The following RABEP1 variants were observed in gnomAD, a reference collection of about 807,000 sequenced individuals.
The protein encoded by RABEP1 is rabaptin, RAB GTPase binding effector protein 1.
A neutral mutation model predicts 123.4 loss-of-function variants in RABEP1; 51 were observed. That is an observed-to-expected ratio of 0.41 (90% confidence interval 0.33 to 0.52). RABEP1 has a LOEUF of 0.52. RABEP1 is among the 20% of genes least tolerant of loss of function. The probability of loss-of-function intolerance (pLI) is 0.16; values close to 1 mark genes in which losing one functional copy is unlikely to be tolerated. For synonymous variants in RABEP1, 347 were observed against 355.2 expected (o/e 0.98, Z 0.26); for missense variants, 888 against 996.3 (o/e 0.89, Z 1.46).
rs145543636 is a variant in RABEP1, at chr17:5,379,927, G to A, written c.2272-437G>A. On this transcript the variant is annotated intron_variant, in intron 15 of 17. Transcript: ENST00000537505. ...CAACGTGCTGTGCTGTAGGCCAGCCGAACATGCCACTGTTGCTGCATGTGT... is the reference window on the plus strand; with the variant it reads ...CAACGTGCTGTGCTGTAGGCCAGCCAAACATGCCACTGTTGCTGCATGTGT... 3.6e-3 allele frequency among the ~76,000 whole-genome samples: 546 copies of A among 152,256 alleles called. 2 individuals carry two copies. The highest frequency in any genetic ancestry group is 0.011 in the African/African-American group (471 of 41,536).
rs118187054 is a variant in RABEP1 at position 5,300,141 on chromosome 17, G to C, written c.35-8553G>C. Among the ~76,000 whole-genome samples, 147 of 152,226 alleles carry C rather than the reference G, an allele frequency of 9.7e-4. 1 individual carries two copies. Among genetic ancestry groups the C allele is most frequent in the East Asian group, 9.6e-3 (50 of 5,182 alleles). ...AGTATAATATGCAGTTAGATGGGAA[G>C]GAAAATCTACCCAGCTAAGCATTCA... On this transcript the variant is annotated intron_variant, in intron 1 of 17. Coordinates refer to ENST00000537505, the MANE Select transcript of RABEP1 (RefSeq NM_004703.6).
intron 8 of RABEP1, 187 bp from the exon 9 acceptor site, chr17:5,361,021 T>C (rs1240266318): frequency 1.2e-5 from 7 of 606,396 alleles, no homozygotes; most frequent in Non-Finnish European, 1.7e-5. Flanking sequence ...CTCACAGTTG[T>C]ATCCTGAGGG....
At position 5,384,095 on chromosome 17, in the gene RABEP1, G is replaced by A. The variant is rs3026120; in HGVS notation, c.*872G>A. On this transcript the variant is annotated 3_prime_UTR_variant, in exon 18 of 18. Coordinates refer to ENST00000537505, the MANE Select transcript of RABEP1 (RefSeq NM_004703.6). ...TTAAATAGGCTAATTTTTCAACTTG[G>A]ATCATTAGGCTTACGTACTACTTGT... 7,205 of 214,788 alleles carry A rather than the reference G, an allele frequency of 0.034. 175 individuals are homozygous for A. The highest frequency in any genetic ancestry group is 0.047 in the Non-Finnish European group (4,985 of 106,462). 13.3% of individuals were successfully genotyped at this position (214,788 alleles called of 1,614,324 possible). A position where few individuals can be genotyped will look rare whatever the true frequency, so the allele number is the denominator to read the frequency against.
chr17:5,373,205 C>T, intron 12 of RABEP1, 109 bp from the exon 13 acceptor site: 1 of 986,524 alleles, frequency 1.0e-6, no homozygotes, highest in Non-Finnish European at 1.4e-6. Flanking sequence ...TTCACCATAC[C>T]CCGTCCATCC....
In RABEP1 at chr17:5,286,000, CTT is replaced by C. The variant is rs370679680; in HGVS notation, c.34+3483_34+3484del. 2.4e-3 allele frequency among the ~76,000 whole-genome samples: 369 copies of C among 152,222 alleles called. 3 individuals are homozygous for C. Among genetic ancestry groups the C allele is most frequent in the African/African-American group, 8.7e-3 (362 of 41,528 alleles). ...CCTTGTGCATATTTTTTAAGGTACTCTTTTACTTCTGTAAGACTAGTGAATTA... is the reference window on the plus strand; with the variant it reads ...CCTTGTGCATATTTTTTAAGGTACTCTTACTTCTGTAAGACTAGTGAATTA... On this transcript the variant is annotated intron_variant, in intron 1 of 17. Transcript: ENST00000537505.
rs74936713 is a variant in RABEP1 at position 5,326,598 on chromosome 17, T to C, written c.164-5351T>C. Among the ~76,000 whole-genome samples, 1,071 of 152,280 alleles carry C rather than the reference T, an allele frequency of 7.0e-3. 6 individuals carry two copies. The highest frequency in any genetic ancestry group is 0.014 in the Middle Eastern group (4 of 294). On this transcript the variant is annotated intron_variant, in intron 2 of 17. Coordinates refer to ENST00000537505, the MANE Select transcript of RABEP1 (RefSeq NM_004703.6). ...TACACATTTGTTAAAACCCATAGAA[T>C]GTAGCACATTTAAGAGTGAACCCTA...
intron 5 of RABEP1, among the ~76,000 whole-genome samples, chr17:5,342,094 G>A (rs1212529732): frequency 6.6e-6 from 1 of 152,094 alleles, no homozygotes; most frequent in Non-Finnish European, 1.5e-5. Flanking sequence ...CCTAATAAGA[G>A]TTCAACAATT....
chr17:5,323,799 A>AATATAT (rs1190446236), intron 2 of RABEP1, among the ~76,000 whole-genome samples: 3 of 104,462 alleles, frequency 2.9e-5, no homozygotes, highest in African/African-American at 1.4e-4. Context: ...TATATCTAGG[A>AATATAT]ATATATATAT....
chr17:5,386,102 C>A lies in RABEP1; in HGVS notation c.*2879C>A. On this transcript the variant is annotated 3_prime_UTR_variant, in exon 18 of 18. Transcript: ENST00000537505. ...TAAAAAGATGAACCACACCAAAGGT[C>A]ATCAAAACACCTTTTTATAAATTAG... is the stretch of plus-strand genomic sequence containing the variant. 1.3e-6 allele frequency: 1 copy of A among 788,106 alleles called. No homozygotes were observed. Among genetic ancestry groups the A allele is most frequent in the South Asian group, 1.9e-5 (1 of 52,384 alleles). The allele number at this position is 788,106 out of a possible 1,614,324, so 48.8% of individuals were successfully genotyped here. A position where few individuals can be genotyped will look rare whatever the true frequency, so the allele number is the denominator to read the frequency against.
intron 2 of RABEP1, among the ~76,000 whole-genome samples, chr17:5,322,282 C>G (rs545361157): frequency 1.3e-5 from 2 of 152,084 alleles, no homozygotes; most frequent in Admixed American, 1.3e-4. Context: ...TCCTTGAGCC[C>G]AGGAGTTTGA....
Position 5,308,686 on chromosome 17 carries a change from T to G in RABEP1, c.35-8T>G. On this transcript the variant is annotated splice_region_variant and splice_polypyrimidine_tract_variant and intron_variant, in intron 1 of 17. Coordinates refer to ENST00000537505, the MANE Select transcript of RABEP1 (RefSeq NM_004703.6). ...TATTACTTGTTAACTAGTGTTTTTTTCCCCCAGTTTCTCTTCAGCAACGGG... is the reference window on the plus strand; with the variant it reads ...TATTACTTGTTAACTAGTGTTTTTTGCCCCCAGTTTCTCTTCAGCAACGGG... 3.1e-6 allele frequency: 5 copies of G among 1,602,738 alleles called. No homozygotes were observed. The highest frequency in any genetic ancestry group is 4.2e-6 in the Non-Finnish European group (5 of 1,176,508).
intron 7 of RABEP1, among the ~76,000 whole-genome samples, chr17:5,353,119 T>C (rs1274687253): frequency 6.6e-6 from 1 of 152,226 alleles, no homozygotes; most frequent in Non-Finnish European, 1.5e-5. Context: ...TCTTTCTCCA[T>C]GTCCTTTACT....
intron 2 of RABEP1, among the ~76,000 whole-genome samples, chr17:5,312,473 A>G (rs2075253907): frequency 6.6e-6 from 1 of 152,170 alleles, no homozygotes; most frequent in African/African-American, 2.4e-5. Context: ...TTTTAATACA[A>G]CAGGACAATG....
At chr17:5,362,738 A>G (rs1909662197) in intron 9 of RABEP1, among the ~76,000 whole-genome samples, 174 bp from the exon 10 acceptor site, 1 of 152,012 alleles carries the variant, frequency 6.6e-6, no homozygotes, top group Non-Finnish European at 1.5e-5. Context: ...CTTGTACTGG[A>G]GAGTTTGATT....
At chr17:5,356,616 A>G (rs1025914714) in intron 8 of RABEP1, 7 of 164,512 alleles carry the variant, frequency 4.3e-5, no homozygotes, top group African/African-American at 1.7e-4. Flanking sequence ...TTTTCCAGAG[A>G]TAATATATAT....
At chr17:5,321,358 G>A (rs933355571) in intron 2 of RABEP1, among the ~76,000 whole-genome samples, 3 of 152,210 alleles carry the variant, frequency 2.0e-5, no homozygotes, top group Admixed American at 6.5e-5. Context: ...TGAGAGGATC[G>A]TTTAAGCCCA....
chr17:5,308,847 C>T lies in RABEP1; in HGVS notation c.163+25C>T, dbSNP rs768837608. On this transcript the variant is annotated intron_variant, in intron 2 of 17. Coordinates refer to ENST00000537505, the MANE Select transcript of RABEP1 (RefSeq NM_004703.6). ...GGTAAGTTCATAAGTCTCGCACCAA[C>T]TTCAATGCGAAAACTGCCTTAAAGT... 40 of 1,565,390 alleles carry T rather than the reference C, an allele frequency of 2.6e-5. 1 individual carries two copies. The South Asian group carries it at 3.6e-4, about 14-fold the overall frequency.
At chr17:5,332,183 T>A (rs1430925437) in intron 3 of RABEP1, 31 bp downstream of exon 3, 1 of 1,582,214 alleles carries the variant, frequency 6.3e-7, no homozygotes, top group Non-Finnish European at 8.7e-7. Flanking sequence ...ATTTTGTGAT[T>A]TTCTAAGATA....
chr17:5,331,530 G>A (rs143194956), intron 2 of RABEP1, among the ~76,000 whole-genome samples: 4 of 152,328 alleles, frequency 2.6e-5, no homozygotes, highest in Admixed American at 1.3e-4. Context: ...TCACTGCCAT[G>A]TGCTCTGGCT....
Sources: allele counts gnomAD v4.1 joint callset (sites outside exome capture counted in the v4.1 genomes callset), GRCh38; gene constraint gnomAD v4.1.1; transcripts MANE v1.5; gene names NCBI Gene and HGNC (gene_info 2026-07-23, HGNC 2026-07-21).